The following ANKHD1 variants were observed in gnomAD, a reference collection of about 807,000 sequenced individuals.
The protein encoded by ANKHD1 is ankyrin repeat and KH domain-containing protein 1.
A neutral mutation model predicts 230.5 loss-of-function variants in ANKHD1; 31 were observed. The ratio of observed to expected loss-of-function variants is 0.13; its 90% CI spans 0.10 to 0.18. The LOEUF (loss-of-function observed/expected upper bound fraction) is 0.18. ANKHD1 is among the 10% of genes least tolerant of loss of function. The probability of loss-of-function intolerance (pLI) is 1.00; values close to 1 mark genes in which losing one functional copy is unlikely to be tolerated. For missense variants in ANKHD1, 2,256 were observed against 3,071.3 expected, an observed-to-expected ratio of 0.73 and a Z score of 6.27; for synonymous variants, 1,074 against 1,117.6, an observed-to-expected ratio of 0.96 and a Z score of 0.78.
chr5:140,483,409 T>G (rs1195606694), intron 11 of ANKHD1, among the ~76,000 whole-genome samples: 14 of 151,768 alleles, frequency 9.2e-5, no homozygotes, highest in Non-Finnish European at 2.1e-4. Context: ...TTTAATAGAT[T>G]TCTGACATTT....
chr5:140,505,326 G>A, intron 17 of ANKHD1, 93 bp downstream of exon 17: 2 of 1,330,442 alleles, frequency 1.5e-6, no homozygotes, highest in Non-Finnish European at 2.1e-6. Context: ...GACTATCTCA[G>A]TGATAAGATG....
At chr5:140,457,620 C>T (rs934298516) in intron 7 of ANKHD1, among the ~76,000 whole-genome samples, 16 of 152,118 alleles carry the variant, frequency 1.1e-4, no homozygotes, top group African/African-American at 2.2e-4. Flanking sequence ...AACCAGACAG[C>T]GCATGTTCTC....
intron 1 of ANKHD1, among the ~76,000 whole-genome samples, chr5:140,409,013 T>G (rs1399963049): frequency 2.6e-5 from 4 of 151,860 alleles, no homozygotes; most frequent in Non-Finnish European, 5.9e-5. Flanking sequence ...CTCTACCCAC[T>G]AGATGCCAGT....
intron 1 of ANKHD1, among the ~76,000 whole-genome samples, chr5:140,405,835 G>A (rs980711967): frequency 6.6e-6 from 1 of 152,066 alleles, no homozygotes; most frequent in Non-Finnish European, 1.5e-5. Flanking sequence ...GTTTTGTCAC[G>A]TTGGCCAGGC....
chr5:140,428,408 CG>C (rs1436577302), intron 1 of ANKHD1, among the ~76,000 whole-genome samples: 6 of 151,470 alleles, frequency 4.0e-5, no homozygotes, highest in Non-Finnish European at 8.8e-5. Flanking sequence ...CCGAGGCTGG[CG>C]GATCACTCGC....
At chr5:140,520,926 T>C (rs1233670972) in intron 24 of ANKHD1, among the ~76,000 whole-genome samples, 2 of 116,582 alleles carry the variant, frequency 1.7e-5, no homozygotes, top group African/African-American at 6.4e-5. Flanking sequence ...ACTTAAAGTA[T>C]AATAAAAAAA....
intron 21 of ANKHD1, 67 bp from the exon 22 acceptor site, chr5:140,509,952 T>G: frequency 6.5e-7 from 1 of 1,550,036 alleles, no homozygotes; most frequent in Non-Finnish European, 8.7e-7. Flanking sequence ...AAGAAGAAGA[T>G]AGAGAAAACT....
At chr5:140,509,903 A>T in intron 21 of ANKHD1, 91 bp downstream of exon 21, 2 of 1,544,658 alleles carry the variant, frequency 1.3e-6, no homozygotes, top group South Asian at 1.2e-5. Flanking sequence ...TACTTTATTG[A>T]TATTGTTAAG....
chr5:140,508,244 T>C (rs1752618301), intron 20 of ANKHD1, among the ~76,000 whole-genome samples: 1 of 152,216 alleles, frequency 6.6e-6, no homozygotes, highest in Non-Finnish European at 1.5e-5. Flanking sequence ...TTTCTATTAA[T>C]ACTGCAGCTT....
At chr5:140,538,305 G>A in intron 32 of ANKHD1, 44 bp downstream of exon 32, 2 of 1,603,886 alleles carry the variant, frequency 1.2e-6, no homozygotes, top group East Asian at 2.2e-5. Flanking sequence ...CACTTTGTCA[G>A]CCAATGTAGT....
At chr5:140,511,327 C>G (rs892180993) in intron 22 of ANKHD1, among the ~76,000 whole-genome samples, 2 of 152,202 alleles carry the variant, frequency 1.3e-5, no homozygotes, top group African/African-American at 2.4e-5. Flanking sequence ...TTTCTAGTTA[C>G]TGGCCTAGAA....
intron 1 of ANKHD1, among the ~76,000 whole-genome samples, chr5:140,405,192 C>G (rs976814210): frequency 3.9e-5 from 6 of 152,156 alleles, no homozygotes; most frequent in African/African-American, 1.4e-4. Context: ...GTTTTCTGTG[C>G]CTAAAAGGAT....
At chr5:140,435,998 G>A (rs757354473) in intron 1 of ANKHD1, 106 bp from the exon 2 acceptor site, 6 of 1,304,932 alleles carry the variant, frequency 4.6e-6, no homozygotes, top group Non-Finnish European at 6.0e-6. Flanking sequence ...TAATTTTTCT[G>A]CTTATATTTA....
intron 15 of ANKHD1, among the ~76,000 whole-genome samples, chr5:140,502,123 T>G (rs568358595): frequency 6.6e-6 from 1 of 152,314 alleles, no homozygotes; most frequent in African/African-American, 2.4e-5. Context: ...TTGGTCACTT[T>G]CAGAGATATT....
rs2127089030 is a variant in ANKHD1 at position 140,529,099 on chromosome 5, C to T, written c.6153C>T (p.Cys2051=). The change falls in exon 29 of 34, where the codon TGC becomes TGT. Residue 2051 remains cysteine, a synonymous_variant. Transcript: ENST00000360839. ...CCCCATCTTCAACTGCAAACAGTTG[C>T]AGTAGCTCTGCCAGCAACACCCCGG... ...LCTPSSTANS[C]SSSASNTPGA... The T allele has an allele frequency of 6.2e-7, 1 of 1,614,084 alleles. No homozygotes were observed. Among genetic ancestry groups the T allele is most frequent in the Non-Finnish European group, 8.5e-7 (1 of 1,180,048 alleles).
In ANKHD1 at chr5:140,529,786, T is replaced by C. The variant is rs1390739770; in HGVS notation, c.6840T>C (p.Thr2280=). The change falls in exon 29 of 34, where the codon ACT becomes ACC. Residue 2280 remains threonine (T), a synonymous_variant. Transcript: ENST00000360839. ...GFRPPSQRVS[T]SPVGLPSIDP... ...GACCACCTTCCCAGCGAGTTTCTAC[T>C]AGTCCAGTTGGTAAGTTATTAACTA... 1 of 1,613,864 alleles carries C rather than the reference T, an allele frequency of 6.2e-7. No individual in the cohort carries two copies. The highest frequency in any genetic ancestry group is 2.2e-5 in the East Asian group (1 of 44,882).
At chr5:140,522,522 T>C (rs1753398040) in intron 24 of ANKHD1, among the ~76,000 whole-genome samples, 1 of 152,108 alleles carries the variant, frequency 6.6e-6, no homozygotes. Context: ...TCATACTTTT[T>C]CTCTTTAATT....
At chr5:140,497,840 A>C (rs1752097750) in intron 15 of ANKHD1, among the ~76,000 whole-genome samples, 1 of 150,794 alleles carries the variant, frequency 6.6e-6, no homozygotes, top group South Asian at 2.1e-4. Context: ...GGATTTTTGC[A>C]TTAACTTTCT....
chr5:140,435,822 A>G (rs1773408835), intron 1 of ANKHD1, among the ~76,000 whole-genome samples: 1 of 152,116 alleles, frequency 6.6e-6, no homozygotes, highest in African/African-American at 2.4e-5. Flanking sequence ...GGCGTGGGCC[A>G]CTGTGACTGG....
Sources: allele counts gnomAD v4.1 joint callset (sites outside exome capture counted in the v4.1 genomes callset), GRCh38; gene constraint gnomAD v4.1.1; transcripts MANE v1.5; gene names NCBI Gene and HGNC (gene_info 2026-07-23, HGNC 2026-07-21).